The following DIP2A variants were observed in gnomAD, a reference collection of about 807,000 sequenced individuals.
DIP2A encodes disco-interacting protein 2 homolog A.
DIP2A carries 85 observed loss-of-function variants against 177.4 expected under a neutral mutation model. The ratio of observed to expected loss-of-function variants is 0.48; its 90% CI spans 0.40 to 0.57. DIP2A has a LOEUF of 0.57. Among genes scored for constraint, DIP2A ranks in the 20% least tolerant of loss-of-function variants. The probability of loss-of-function intolerance (pLI) is 0.00; values close to 1 mark genes in which losing one functional copy is unlikely to be tolerated. For missense variants in DIP2A, 1,791 were observed against 2,100.2 expected (o/e 0.85, Z 2.88); for synonymous variants, 886 against 881.8 (o/e 1.00, Z -0.08).
Position 46,567,609 on chromosome 21 carries a change from C to G in DIP2A, c.4703C>G (p.Ala1568Gly), listed in dbSNP as rs1336215401. ...GACCAGCTGGACCCCATCTATGTCGCCTACAACATGTGAGCGCAGCACACC... is the reference window on the plus strand; with the variant it reads ...GACCAGCTGGACCCCATCTATGTCGGCTACAACATGTGAGCGCAGCACACC... The part of the protein sequence containing the change: ...LADQLDPIYV[A>G]YNM The change falls in exon 38 of 38, where the codon GCC (alanine) becomes GGC (glycine). Residue 1568 changes from alanine to glycine, a missense_variant. Ala to Gly is a moderately conservative substitution (Grantham distance 60). Transcript: ENST00000417564. 6.2e-7 allele frequency: 1 copy of G among 1,600,604 alleles called. No homozygotes were observed.
chr21:46,480,366 C>A lies in DIP2A; in HGVS notation c.92-4391C>A, dbSNP rs9306153. On this transcript the variant is annotated intron_variant, in intron 1 of 37. Coordinates refer to ENST00000417564, the MANE Select transcript of DIP2A (RefSeq NM_015151.4). Reference sequence around the variant, plus strand: ...AGAACAGCATGGGGAAAAACCTGCCCCCGTGATTCAGTTACCTCCCACTGG... The same window carrying A: ...AGAACAGCATGGGGAAAAACCTGCCACCGTGATTCAGTTACCTCCCACTGG... Among the ~76,000 whole-genome samples, 3 of 151,920 alleles carry A rather than the reference C, an allele frequency of 2.0e-5. No individual in the cohort carries two copies. In the East Asian group the frequency reaches 5.8e-4, roughly 29 times the overall value.
rs1215465252 is a variant in DIP2A at position 46,503,343 on chromosome 21, A to G, written c.656-1018A>G. Among the ~76,000 whole-genome samples the G allele has an allele frequency of 2.7e-5, 4 of 146,464 alleles. No individual in the cohort carries two copies. In the East Asian group the frequency reaches 8.1e-4, roughly 29 times the overall value. ...TCCATCTCAAAAAAAAAAAAAAAAA[A>G]GGAACTTGATTGTGGTCTCTTAGTT... On this transcript the variant is annotated intron_variant, in intron 5 of 37. Coordinates refer to ENST00000417564, the MANE Select transcript of DIP2A (RefSeq NM_015151.4).
At chr21:46,509,122 C>G (rs1161130618) in intron 6 of DIP2A, 135 bp from the exon 7 acceptor site, 14 of 901,676 alleles carry the variant, frequency 1.6e-5, no homozygotes, top group Admixed American at 6.9e-5. Context: ...TCCAAAATGA[C>G]TGTCCAGTGG....
At chr21:46,497,595 A>G (rs2057426981) in intron 4 of DIP2A, among the ~76,000 whole-genome samples, 1 of 152,234 alleles carries the variant, frequency 6.6e-6, no homozygotes, top group South Asian at 2.1e-4. Context: ...GAAAACTTTT[A>G]TATGAGGTTT....
intron 33 of DIP2A, 189 bp from the exon 34 acceptor site, chr21:46,561,559 C>T (rs1015900746): frequency 2.1e-5 from 16 of 746,918 alleles, no homozygotes; most frequent in South Asian, 8.8e-5. Flanking sequence ...ATGCGGGTGG[C>T]GGCACTTGGG....
chr21:46,546,969 C>A lies in DIP2A; in HGVS notation c.2449C>A (p.Arg817Ser). 5 of 1,613,942 alleles carry A rather than the reference C, an allele frequency of 3.1e-6. No individual in the cohort carries two copies. The highest frequency in any genetic ancestry group is 3.4e-6 in the Non-Finnish European group (4 of 1,179,888). Reference protein sequence around the residue: ...KLDGLMVTGVRRHNADDVVAT... With the variant: ...KLDGLMVTGVSRHNADDVVAT... The stretch of plus-strand genomic sequence containing the variant: ...GGACGGGCTGATGGTCACTGGAGTT[C>A]GCAGACACAATGCAGATGACGTTGT... The change falls in exon 21 of 38, where the codon CGC becomes AGC. Residue 817 changes from arginine (R) to serine (S), a missense_variant. Transcript: ENST00000417564.
chr21:46,499,737 A>G (rs193301662), intron 5 of DIP2A, among the ~76,000 whole-genome samples: 22 of 152,302 alleles, frequency 1.4e-4, no homozygotes, highest in African/African-American at 5.3e-4. Flanking sequence ...ACCCACATAC[A>G]CTCTTGCACA....
In DIP2A at chr21:46,557,378, G is replaced by A; in HGVS notation, c.3630-207G>A. On this transcript the variant is annotated intron_variant, in intron 30 of 37. Transcript: ENST00000417564. The surrounding 1 kb of genome is among the most constrained non-coding windows in gnomAD (Gnocchi z 6.0). ...TGGTGTCCCCGGATCCTCTCCAAGTGTTCGGAGCAGAGCTCAGAACCCCGT... is the reference window on the plus strand; with the variant it reads ...TGGTGTCCCCGGATCCTCTCCAAGTATTCGGAGCAGAGCTCAGAACCCCGT... 3 of 680,406 alleles carry A rather than the reference G, an allele frequency of 4.4e-6. No individual in the cohort carries two copies. The highest frequency in any genetic ancestry group is 7.3e-6 in the Non-Finnish European group (3 of 413,694). 42.1% of individuals were successfully genotyped at this position (680,406 alleles called of 1,614,324 possible).
chr21:46,578,288 G>T, the DIP2A span, among the ~76,000 whole-genome samples: 2 of 152,106 alleles, frequency 1.3e-5, no homozygotes, highest in African/African-American at 4.8e-5. Context: ...CTCCAGCCTG[G>T]CAACAGAGCA....
intron 32 of DIP2A, among the ~76,000 whole-genome samples, chr21:46,560,455 C>G (rs1454811155): frequency 6.6e-6 from 1 of 152,196 alleles, no homozygotes; most frequent in Non-Finnish European, 1.5e-5. Flanking sequence ...GTTGTTAGAA[C>G]TGAAATGTAA....
chr21:46,538,810 A>G (rs560701042), intron 16 of DIP2A: 77 of 662,634 alleles, frequency 1.2e-4, no homozygotes, highest in Admixed American at 9.6e-4. Flanking sequence ...TTTAAAAGCA[A>G]TTTTAATATG....
At position 46,504,495 on chromosome 21, in the gene DIP2A, C is replaced by T. The variant is rs754250941; in HGVS notation, c.784+6C>T. The T allele has an allele frequency of 6.3e-7, 1 of 1,599,068 alleles. No individual in the cohort carries two copies. The highest frequency in any genetic ancestry group is 8.5e-7 in the Non-Finnish European group (1 of 1,172,384). ...CATGCTGGAAACAGCAGATGGTGAGCCTGCCTCTCTTTCTCCTCGTGAAAT... is the reference window on the plus strand; with the variant it reads ...CATGCTGGAAACAGCAGATGGTGAGTCTGCCTCTCTTTCTCCTCGTGAAAT... On this transcript the variant is annotated splice_donor_region_variant and intron_variant, in intron 6 of 37. Transcript: ENST00000417564.
chr21:46,504,567 T>G, intron 6 of DIP2A, 78 bp downstream of exon 6: 1 of 1,485,692 alleles, frequency 6.7e-7, no homozygotes, highest in Non-Finnish European at 8.9e-7. Flanking sequence ...AGCTTTAATG[T>G]ATTCACTGTA....
intron 3 of DIP2A, among the ~76,000 whole-genome samples, chr21:46,491,595 A>C (rs1440860538): frequency 6.6e-6 from 1 of 152,200 alleles, no homozygotes; most frequent in Non-Finnish European, 1.5e-5. Context: ...AAATTTAAGG[A>C]CAAAGTTAAA....
chr21:46,490,681 C>A lies in DIP2A; in HGVS notation c.245C>A (p.Ser82Tyr). Reference sequence around the variant, plus strand: ...GCCGCTGCACCCAAGCAGCAGAAGTCTCGGCCCACCGCCTCGAGGGATGAG... The same window carrying A: ...GCCGCTGCACCCAAGCAGCAGAAGTATCGGCCCACCGCCTCGAGGGATGAG... ...TTAAAPKQQK[S>Y]RPTASRDERF... Residue 82 changes from serine (S) to tyrosine (Y), a missense_variant, in exon 3 of 38, where the codon TCT becomes TAT. Ser to Tyr is a moderately radical substitution (Grantham distance 144). Transcript: ENST00000417564. 1 of 1,589,004 alleles carries A rather than the reference C, an allele frequency of 6.3e-7. No homozygotes were observed. The highest frequency in any genetic ancestry group is 8.6e-7 in the Non-Finnish European group (1 of 1,167,712).
Position 46,537,194 on chromosome 21 carries a change from A to G in DIP2A, c.1643-30A>G. On this transcript the variant is annotated intron_variant, in intron 13 of 37. Coordinates refer to ENST00000417564, the MANE Select transcript of DIP2A (RefSeq NM_015151.4). This position sits in a 1 kb window ranked among gnomAD's most constrained non-coding sequence, Gnocchi z 4.1. ...ATAGGGCTTATTGAGAGGGTTGCTCAGTGGTGTCACCTTCTTTGTCCACTT... is the reference window on the plus strand; with the variant it reads ...ATAGGGCTTATTGAGAGGGTTGCTCGGTGGTGTCACCTTCTTTGTCCACTT... 6.2e-7 allele frequency: 1 copy of G among 1,612,958 alleles called. No individual in the cohort carries two copies. Among genetic ancestry groups the G allele is most frequent in the East Asian group, 2.2e-5 (1 of 44,880 alleles).
intron 1 of DIP2A, among the ~76,000 whole-genome samples, chr21:46,482,208 A>G (rs2056389350): frequency 6.6e-6 from 1 of 152,256 alleles, no homozygotes. Flanking sequence ...TAGACTGCAC[A>G]GACATTAAAG....
chr21:46,567,341 A>G (rs1214900254), intron 37 of DIP2A, 29 bp from the exon 38 acceptor site: 16 of 1,598,606 alleles, frequency 1.0e-5, no homozygotes, highest in Non-Finnish European at 1.4e-5. Flanking sequence ...GCCTGTATCC[A>G]TGTGACCCAG....
chr21:46,520,823 C>T (rs1001888194), intron 8 of DIP2A, among the ~76,000 whole-genome samples: 1 of 152,192 alleles, frequency 6.6e-6, no homozygotes, highest in African/African-American at 2.4e-5. Context: ...GAAAGCCACG[C>T]ATCATTTCAT....
Sources: allele counts gnomAD v4.1 joint callset (sites outside exome capture counted in the v4.1 genomes callset), GRCh38; gene constraint gnomAD v4.1.1; non-coding constraint Gnocchi (gnomAD v3.1); transcripts MANE v1.5; gene names NCBI Gene and HGNC (gene_info 2026-07-23, HGNC 2026-07-21).